Variants in TSPAN18 observed in about 807,000 individuals in gnomAD.
TSPAN18 encodes the protein tetraspanin 18, also known as tetraspanin-18.
In TSPAN18, 14 loss-of-function variants were observed where a neutral mutation model predicts 27.3. The observed-to-expected ratio is 0.51, with a 90% CI of 0.34 to 0.80. The LOEUF (loss-of-function observed/expected upper bound fraction) is 0.80. Among genes scored for constraint, TSPAN18 ranks in the 30% least tolerant of loss-of-function variants. TSPAN18 has a pLI of 0.01. For synonymous variants in TSPAN18, 143 were observed against 136.5 expected, an observed-to-expected ratio of 1.05 and a Z score of -0.33; for missense variants, 268 against 323.9, an observed-to-expected ratio of 0.83 and a Z score of 1.32.
intron 3 of TSPAN18, among the ~76,000 whole-genome samples, chr11:44,878,953 C>T (rs983143014): frequency 3.9e-5 from 6 of 152,164 alleles, no homozygotes; most frequent in African/African-American, 7.2e-5. Context: ...CTCAGCAGCA[C>T]GATGGAAATG....
intron 2 of TSPAN18, among the ~76,000 whole-genome samples, chr11:44,858,083 A>T (rs1565179822): frequency 1.3e-5 from 2 of 152,206 alleles, no homozygotes; most frequent in African/African-American, 2.4e-5. Context: ...TCAGTTTCTC[A>T]TCAATAAAAC....
rs1277372998 is a variant in TSPAN18, at chr11:44,785,333, G to A, written c.-153+20821G>A. The stretch of plus-strand genomic sequence containing the variant: ...TTTTTTTAATAGCTTTTTCACATCC[G>A]TTACTTTAATGTTTTCTATTCATTT... On this transcript the variant is annotated intron_variant, in intron 2 of 9. Transcript: ENST00000520358. Among the ~76,000 whole-genome samples, 6 of 151,852 alleles carry A rather than the reference G, an allele frequency of 4.0e-5. No individual in the cohort carries two copies. In the South Asian group the frequency reaches 6.2e-4, roughly 16 times the overall value.
chr11:44,759,789 C>A (rs1855409922), intron 1 of TSPAN18, among the ~76,000 whole-genome samples: 1 of 152,218 alleles, frequency 6.6e-6, no homozygotes, highest in Non-Finnish European at 1.5e-5. Flanking sequence ...CCACCCATAT[C>A]TTTGAGGAAC....
At position 44,924,216 on chromosome 11, in the gene TSPAN18, C is replaced by T. The variant is rs149778390; in HGVS notation, c.616-2458C>T. Among the ~76,000 whole-genome samples, 12 of 152,034 alleles carry T rather than the reference C, an allele frequency of 7.9e-5. No homozygotes were observed. The East Asian group carries it at 1.4e-3, about 17-fold the overall frequency. On this transcript the variant is annotated intron_variant, in intron 8 of 9. Coordinates refer to ENST00000520358, the MANE Select transcript of TSPAN18 (RefSeq NM_130783.5). Reference sequence around the variant, plus strand: ...TAAGAGAGCGGCACAGAGAGACGGACGGTAATCCTTGGTAATCCTAACAGG... The same window carrying T: ...TAAGAGAGCGGCACAGAGAGACGGATGGTAATCCTTGGTAATCCTAACAGG...
At chr11:44,927,783 CA>C (rs1860423640) in intron 9 of TSPAN18, among the ~76,000 whole-genome samples, 1 of 152,190 alleles carries the variant, frequency 6.6e-6, no homozygotes, top group Non-Finnish European at 1.5e-5. Context: ...GTCCGGCTCC[CA>C]GCTCTGCCTC....
intron 3 of TSPAN18, among the ~76,000 whole-genome samples, chr11:44,881,763 CA>C (rs1858495464): frequency 6.6e-6 from 1 of 152,164 alleles, no homozygotes; most frequent in Non-Finnish European, 1.5e-5. Context: ...AGACCAGGGC[CA>C]ACCGTTCTTG....
At chr11:44,732,327 C>T (rs1217454619) in intron 1 of TSPAN18, among the ~76,000 whole-genome samples, 1 of 152,210 alleles carries the variant, frequency 6.6e-6, no homozygotes, top group Non-Finnish European at 1.5e-5. Context: ...CCTGTCTCCG[C>T]CTACAAGGAT....
At chr11:44,805,841 A>G (rs186796534) in intron 2 of TSPAN18, among the ~76,000 whole-genome samples, 78 of 152,034 alleles carry the variant, frequency 5.1e-4, no homozygotes, top group Admixed American at 9.8e-4. Context: ...CACTCTCATG[A>G]CATGGCCATC....
At chr11:44,767,027 C>A (rs1422199185) in intron 2 of TSPAN18, among the ~76,000 whole-genome samples, 1 of 152,156 alleles carries the variant, frequency 6.6e-6, no homozygotes, top group Non-Finnish European at 1.5e-5. Flanking sequence ...CCCAAGGTGA[C>A]CTCTTTGAAG....
Position 44,930,683 on chromosome 11 carries a change from T to TG in TSPAN18, c.*1506dup. The TG allele has an allele frequency of 2.7e-6, 1 of 374,110 alleles. No individual in the cohort carries two copies. Among genetic ancestry groups the TG allele is most frequent in the South Asian group, 2.0e-5 (1 of 50,892 alleles). The allele number at this position is 374,110 out of a possible 1,614,324, so 23.2% of individuals were successfully genotyped here. On this transcript the variant is annotated 3_prime_UTR_variant, in exon 10 of 10. Coordinates refer to ENST00000520358, the MANE Select transcript of TSPAN18 (RefSeq NM_130783.5). The stretch of plus-strand genomic sequence containing the variant: ...CCTACCCTGATAGATCAGGGGTGGC[T>TG]GCTGGAGGCTGTGCTGGGGATCTGA...
intron 2 of TSPAN18, among the ~76,000 whole-genome samples, chr11:44,765,664 C>T (rs1054686586): frequency 5.3e-5 from 8 of 152,156 alleles, no homozygotes; most frequent in East Asian, 1.9e-4. Flanking sequence ...GTAATGTCAT[C>T]GAGATTTGAA....
At chr11:44,785,223 A>G (rs942767272) in intron 2 of TSPAN18, among the ~76,000 whole-genome samples, 16 of 152,236 alleles carry the variant, frequency 1.1e-4, no homozygotes, top group African/African-American at 3.9e-4. Context: ...CCCACCAACC[A>G]GATCCAGAGA....
chr11:44,742,440 A>G (rs759055111), intron 1 of TSPAN18, among the ~76,000 whole-genome samples: 4 of 147,558 alleles, frequency 2.7e-5, no homozygotes, highest in African/African-American at 1.0e-4. Flanking sequence ...CATTGTGTGC[A>G]CTAGACTTTT....
chr11:44,878,888 T>C (rs906113005), intron 3 of TSPAN18, among the ~76,000 whole-genome samples: 5 of 123,314 alleles, frequency 4.1e-5, no homozygotes, highest in African/African-American at 1.3e-4. Flanking sequence ...AAGGGAGAGC[T>C]TCCCCATTGT....
At chr11:44,812,247 C>T (rs1038798479) in intron 2 of TSPAN18, among the ~76,000 whole-genome samples, 2 of 152,206 alleles carry the variant, frequency 1.3e-5, no homozygotes, top group African/African-American at 4.8e-5. Flanking sequence ...GGGCAAATGA[C>T]TTAGCCTCTC....
chr11:44,910,364 G>A (rs1859663408), intron 5 of TSPAN18, among the ~76,000 whole-genome samples: 1 of 152,222 alleles, frequency 6.6e-6, no homozygotes, highest in Non-Finnish European at 1.5e-5. Context: ...TCCACCTCCA[G>A]GGGTGGGGCG....
intron 8 of TSPAN18, among the ~76,000 whole-genome samples, chr11:44,921,567 C>T (rs1860136853): frequency 6.6e-6 from 1 of 152,142 alleles, no homozygotes. Flanking sequence ...CTGTGCCCAC[C>T]CCTCCTTTTT....
chr11:44,774,004 CCT>C (rs558626170), intron 2 of TSPAN18, among the ~76,000 whole-genome samples: 2 of 152,122 alleles, frequency 1.3e-5, no homozygotes, highest in Non-Finnish European at 2.9e-5. Context: ...ACCCTCAGCC[CCT>C]CTCTCTCCTT....
intron 3 of TSPAN18, among the ~76,000 whole-genome samples, chr11:44,861,793 T>TCACACACACAGACACACA (rs1857894534): frequency 7.6e-6 from 1 of 132,046 alleles, no homozygotes. Flanking sequence ...AGCCCAAATT[T>TCACACACACAGACACACA]CACACACACA....
Sources: gnomAD v4.1 joint callset for allele counts (sites outside exome capture counted in the v4.1 genomes callset) on GRCh38, gnomAD v4.1.1 for gene constraint, MANE v1.5 for transcripts, NCBI Gene and HGNC (gene_info 2026-07-23, HGNC 2026-07-21) for gene names.